Variants in TUSC3 observed in about 807,000 individuals in gnomAD.
TUSC3 encodes dolichyl-diphosphooligosaccharide--protein glycosyltransferase subunit TUSC3.
Under a neutral mutation model 44.8 loss-of-function variants are expected in TUSC3, and 45 were observed. That is an observed-to-expected ratio of 1.00 (90% confidence interval 0.79 to 1.29). The LOEUF (loss-of-function observed/expected upper bound fraction) is 1.29, where lower values mean the gene tolerates loss of function less well. Among genes scored for constraint, TUSC3 ranks in the 50% most tolerant of loss-of-function variants. The pLI is 0.00. For synonymous variants in TUSC3, 212 were observed against 152.9 expected, an observed-to-expected ratio of 1.39 and a Z score of -2.85; for missense variants, 519 against 437.9, an observed-to-expected ratio of 1.19 and a Z score of -1.65.
the TUSC3 span, among the ~76,000 whole-genome samples, chr8:15,842,568 T>A: frequency 6.6e-6 from 1 of 152,104 alleles, no homozygotes; most frequent in Non-Finnish European, 1.5e-5. Flanking sequence ...AGCAAAATGA[T>A]GAGGGCAGAT....
intron 2 of TUSC3, among the ~76,000 whole-genome samples, chr8:15,623,640 A>G (rs1187194138): frequency 2.6e-5 from 4 of 151,982 alleles, no homozygotes; most frequent in Admixed American, 2.6e-4. Flanking sequence ...GATACCGCCA[A>G]TGATTAGAAA....
chr8:15,843,163 G>A, the TUSC3 span, among the ~76,000 whole-genome samples: 1 of 152,120 alleles, frequency 6.6e-6, no homozygotes, highest in Admixed American at 6.6e-5. Flanking sequence ...ACCTTCTCAA[G>A]AGTTTCTCTA....
In TUSC3 at chr8:15,672,368, T is replaced by C. The variant is rs996262249; in HGVS notation, c.709-1379T>C. The stretch of plus-strand genomic sequence containing the variant: ...GACAGGAAACTGAGGCCCAAAGCAA[T>C]GGACTTGCTCAATGTTTAAATGCTC... On this transcript the variant is annotated intron_variant, in intron 5 of 10. Coordinates refer to ENST00000503731, the MANE Select transcript of TUSC3 (RefSeq NM_006765.4). Among the ~76,000 whole-genome samples, 12 of 151,932 alleles carry C rather than the reference T, an allele frequency of 7.9e-5. 1 individual carries two copies. Among genetic ancestry groups the C allele is most frequent in the South Asian group, 4.1e-4 (2 of 4,834 alleles).
chr8:15,485,945 C>G (rs1039646769), intron 2 of TUSC3, among the ~76,000 whole-genome samples: 9 of 152,006 alleles, frequency 5.9e-5, no homozygotes, highest in African/African-American at 2.2e-4. Flanking sequence ...TGCCCACCAC[C>G]AAGCCCGGCT....
intron 6 of TUSC3, among the ~76,000 whole-genome samples, chr8:15,727,546 C>G (rs928723267): frequency 6.6e-6 from 1 of 151,988 alleles, no homozygotes; most frequent in African/African-American, 2.4e-5. Flanking sequence ...CCTGAAGGCT[C>G]GTAGGGTATC....
In TUSC3 at chr8:15,448,121, T is replaced by TATATATATATATA. The variant is rs1354912985; in HGVS notation, n.91+30816_91+30817insATATATATATATA. On this transcript the variant is annotated intron_variant and non_coding_transcript_variant, in intron 1 of 5. Coordinates refer to the TUSC3 transcript ENST00000503191. ...GTAGTGTATATACATATATATATAT[T>TATATATATATATA]TATTTATTTATTTTTTAGATGGAGT... Among the ~76,000 whole-genome samples, 7 of 25,872 alleles carry TATATATATATATA rather than the reference T, an allele frequency of 2.7e-4. 1 individual carries two copies. The highest frequency in any genetic ancestry group is 5.2e-4 in the African/African-American group (7 of 13,350). 17.0% of individuals were successfully genotyped at this position (25,872 alleles called of 152,430 possible).
upstream of TUSC3, among the ~76,000 whole-genome samples, chr8:15,536,843 TG>T (rs1801530895): frequency 6.6e-6 from 1 of 151,902 alleles, no homozygotes; most frequent in Admixed American, 6.6e-5. Context: ...CTAAGGTGTC[TG>T]GGGAGTCATG....
chr8:15,559,566 TTC>T (rs1585100363), intron 1 of TUSC3, among the ~76,000 whole-genome samples: 1 of 141,270 alleles, frequency 7.1e-6, no homozygotes, highest in Non-Finnish European at 1.6e-5. Context: ...CTTGTTGACT[TTC>T]TGTCTCGTTG....
chr8:15,706,263 A>C (rs1320788407), intron 6 of TUSC3, among the ~76,000 whole-genome samples: 1 of 151,586 alleles, frequency 6.6e-6, no homozygotes, highest in Non-Finnish European at 1.5e-5. Flanking sequence ...TTGAGAGTCT[A>C]ATAGTGTTAA....
intron 6 of TUSC3, among the ~76,000 whole-genome samples, chr8:15,724,109 G>T (rs539330524): frequency 6.6e-6 from 1 of 152,142 alleles, no homozygotes; most frequent in South Asian, 2.1e-4. Flanking sequence ...GTATAGAGAC[G>T]CCTACCTATC....
intron 2 of TUSC3, among the ~76,000 whole-genome samples, chr8:15,499,479 C>A (rs1381474030): frequency 6.6e-6 from 1 of 152,158 alleles, no homozygotes; most frequent in Non-Finnish European, 1.5e-5. Flanking sequence ...TGATATCTAT[C>A]ACTACAGAGC....
At chr8:15,608,471 G>T (rs1030485452) in intron 1 of TUSC3, among the ~76,000 whole-genome samples, 2 of 152,136 alleles carry the variant, frequency 1.3e-5, no homozygotes, top group African/African-American at 2.4e-5. Flanking sequence ...TCCACATGAA[G>T]TGTGATGTAA....
At chr8:15,732,900 C>T (rs894601518) in intron 7 of TUSC3, among the ~76,000 whole-genome samples, 14 of 152,142 alleles carry the variant, frequency 9.2e-5, no homozygotes, top group African/African-American at 2.7e-4. Context: ...TGGATACATA[C>T]GTGAAATTGG....
intron 1 of TUSC3, among the ~76,000 whole-genome samples, chr8:15,470,108 A>C (rs546440805): frequency 6.6e-6 from 1 of 151,752 alleles, no homozygotes; most frequent in African/African-American, 2.4e-5. Context: ...AAATTAACAA[A>C]AAAAAAAAGC....
chr8:15,596,650 TAC>T (rs909255735), intron 1 of TUSC3, among the ~76,000 whole-genome samples: 8 of 152,170 alleles, frequency 5.3e-5, no homozygotes, highest in African/African-American at 1.7e-4. Context: ...GTATATTAAT[TAC>T]AGTTATATTT....
chr8:15,830,265 T>C, the TUSC3 span, among the ~76,000 whole-genome samples: 6 of 152,216 alleles, frequency 3.9e-5, no homozygotes, highest in Admixed American at 3.9e-4. Context: ...CTGTTGATCA[T>C]TTCTTTGCTC....
chr8:15,796,813 G>T, the TUSC3 span, among the ~76,000 whole-genome samples: 1 of 152,184 alleles, frequency 6.6e-6, no homozygotes, highest in East Asian at 1.9e-4. Context: ...CCTTTTGCCA[G>T]CCAAGGCTCG....
the TUSC3 span, among the ~76,000 whole-genome samples, chr8:15,825,826 T>TTAAG: frequency 6.6e-6 from 1 of 151,986 alleles, no homozygotes; most frequent in South Asian, 2.1e-4. Flanking sequence ...TTCTCTTAAC[T>TTAAG]GTATGGTAAT....
intron 6 of TUSC3, among the ~76,000 whole-genome samples, chr8:15,685,271 G>A (rs562111104): frequency 1.3e-5 from 2 of 151,996 alleles, no homozygotes; most frequent in Non-Finnish European, 1.5e-5. Flanking sequence ...TTCACTCACC[G>A]CTTCCTCAGG....
Sources: gnomAD v4.1 joint callset for allele counts (sites outside exome capture counted in the v4.1 genomes callset) on GRCh38, gnomAD v4.1.1 for gene constraint, MANE v1.5 for transcripts, NCBI Gene and HGNC (gene_info 2026-07-23, HGNC 2026-07-21) for gene names.